Variants in PFKFB4 observed in about 807,000 individuals in gnomAD.
PFKFB4 encodes 6-phosphofructo-2-kinase/fructose-2,6-biphosphatase 4.
A neutral mutation model predicts 62.8 loss-of-function variants in PFKFB4; 42 were observed. The observed-to-expected ratio is 0.67, with a 90% CI of 0.52 to 0.86. The LOEUF (loss-of-function observed/expected upper bound fraction) is 0.86, where lower values mean the gene tolerates loss of function less well. PFKFB4 is among the 40% of genes least tolerant of loss of function. The probability of loss-of-function intolerance (pLI) is 0.00; values close to 1 mark genes in which losing one functional copy is unlikely to be tolerated. For missense variants in PFKFB4, 475 were observed against 627.2 expected (o/e 0.76, Z 2.59); for synonymous variants, 204 against 240.7 (o/e 0.85, Z 1.41).
intron 4 of PFKFB4, among the ~76,000 whole-genome samples, chr3:48,541,837 G>A (rs1473638272): frequency 1.3e-5 from 2 of 152,056 alleles, no homozygotes; most frequent in Non-Finnish European, 2.9e-5. Context: ...ATGGTGGCAC[G>A]TGCCTGTAGT....
chr3:48,534,737 T>C (rs749526750), intron 9 of PFKFB4, among the ~76,000 whole-genome samples: 18 of 149,074 alleles, frequency 1.2e-4, no homozygotes, highest in Non-Finnish European at 1.3e-4. Flanking sequence ...GGTAACATTA[T>C]ATCCAGAAGA....
rs1560163676 is a variant in PFKFB4, at chr3:48,536,347, CG to C, written c.748del (p.Arg250AlafsTer36). The C allele has an allele frequency of 1.9e-6, 3 of 1,614,150 alleles. No individual in the cohort carries two copies. The highest frequency in any genetic ancestry group is 2.5e-6 in the Non-Finnish European group (3 of 1,180,026). On this transcript the variant is annotated frameshift_variant, in exon 8 of 14. Coordinates refer to ENST00000232375, the MANE Select transcript of PFKFB4 (RefSeq NM_004567.4). LOFTEE classifies it high-confidence loss of function. Reference sequence around the variant, plus strand: ...CCCGTGCCGGCAGAGGTAGATGGAGCGGGGGGTCACGTGGATGTTCATGAGG... The same window carrying C: ...CCCGTGCCGGCAGAGGTAGATGGAGCGGGGGTCACGTGGATGTTCATGAGG... ...YYLMNIHVTP[R>X]SIYLCRHGES...
chr3:48,528,264 C>G (rs553442658), intron 9 of PFKFB4, among the ~76,000 whole-genome samples: 1 of 151,902 alleles, frequency 6.6e-6, no homozygotes, highest in African/African-American at 2.4e-5. Context: ...TGTGAGATGG[C>G]GAAACAGTGT....
chr3:48,528,697 T>C (rs1203754896), intron 9 of PFKFB4, among the ~76,000 whole-genome samples: 1 of 152,168 alleles, frequency 6.6e-6, no homozygotes. Flanking sequence ...TGGACATGAA[T>C]GTTCACAGCA....
intron 9 of PFKFB4, among the ~76,000 whole-genome samples, chr3:48,528,390 G>A (rs1008863314): frequency 3.3e-5 from 5 of 152,160 alleles, no homozygotes; most frequent in Non-Finnish European, 1.5e-5. Context: ...TGCCGGATGC[G>A]GTGGCTCATG....
At chr3:48,563,133 C>T (rs749685260), upstream of PFKFB4, 2 of 1,604,628 alleles carry the variant, frequency 1.2e-6, no homozygotes, top group Non-Finnish European at 1.7e-6. The surrounding 1 kb of genome is among the most constrained non-coding windows in gnomAD (Gnocchi z 4.5). Flanking sequence ...ATCGTGAGGT[C>T]AGGCTGCAAG....
intron 3 of PFKFB4, among the ~76,000 whole-genome samples, chr3:48,549,627 C>T (rs2043068758): frequency 6.6e-6 from 1 of 152,252 alleles, no homozygotes; most frequent in South Asian, 2.1e-4. Flanking sequence ...TCCTCTCATC[C>T]CCAAACCCAT....
intron 9 of PFKFB4, among the ~76,000 whole-genome samples, chr3:48,529,387 T>C (rs1255074397): frequency 6.6e-6 from 1 of 152,182 alleles, no homozygotes; most frequent in African/African-American, 2.4e-5. Context: ...AGATGATTAA[T>C]GGATCATAAA....
upstream of PFKFB4, chr3:48,557,014 G>A: frequency 4.5e-6 from 6 of 1,326,278 alleles, no homozygotes; most frequent in South Asian, 1.7e-5. Context: ...AGTGGGCCCA[G>A]TTCTTCAGGC....
At position 48,554,516 on chromosome 3, in the gene PFKFB4, G is replaced by A. The variant is rs116033198; in HGVS notation, c.97+2165C>T. ...ACACCCTGAGACACCGTGATGGCAC[G>A]AGCCCCTCAGCTCAGGCCAGAGCCA... On this transcript the variant is annotated intron_variant, in intron 1 of 13. Transcript: ENST00000232375. Among the ~76,000 whole-genome samples the A allele has an allele frequency of 3.5e-3, 535 of 152,256 alleles. 2 individuals carry two copies. Among genetic ancestry groups the A allele is most frequent in the African/African-American group, 0.012 (512 of 41,540 alleles).
In PFKFB4 at chr3:48,523,537, C is replaced by A; in HGVS notation, c.1285G>T (p.Gly429Cys). ...TVLKLTPVAY[G>C]CKVESIFLNV... Reference sequence around the variant, plus strand: ...GTCAATGTGCAGGAAGCTTCCTTACCATATGCCACAGGAGTCAGCTTCAGG... The same window carrying A: ...GTCAATGTGCAGGAAGCTTCCTTACAATATGCCACAGGAGTCAGCTTCAGG... The change falls in exon 12 of 14, where the codon GGT becomes TGT. Residue 429 changes from glycine to cysteine, a missense_variant and splice_region_variant. Gly to Cys is a radical substitution (Grantham distance 159). Coordinates refer to ENST00000232375, the MANE Select transcript of PFKFB4 (RefSeq NM_004567.4). 1.9e-6 allele frequency: 3 copies of A among 1,613,784 alleles called. No homozygotes were observed.
intron 1 of PFKFB4, among the ~76,000 whole-genome samples, chr3:48,553,114 G>A (rs546707305): frequency 2.6e-5 from 4 of 152,340 alleles, no homozygotes; most frequent in South Asian, 4.1e-4. Flanking sequence ...AGCGGGCTGG[G>A]TGCACGGCTG....
At chr3:48,536,742 T>C in intron 7 of PFKFB4, 1 of 442,422 alleles carries the variant, frequency 2.3e-6, no homozygotes, top group Non-Finnish European at 4.1e-6. Flanking sequence ...GGGTCCGCCA[T>C]ACCACATCAT....
At chr3:48,552,370 C>T (rs2043182505) in intron 1 of PFKFB4, among the ~76,000 whole-genome samples, 2 of 152,254 alleles carry the variant, frequency 1.3e-5, no homozygotes, top group African/African-American at 4.8e-5. Flanking sequence ...CCTTGCTTGC[C>T]AGTGGGGGCT....
intron 3 of PFKFB4, 32 bp downstream of exon 3, chr3:48,549,832 C>T (rs1189132191): frequency 7.3e-7 from 1 of 1,363,940 alleles, no homozygotes; most frequent in South Asian, 1.2e-5. Flanking sequence ...CCCCCAGCAA[C>T]CTCTCCCCCC....
rs148079120 is a variant in PFKFB4 at position 48,535,747 on chromosome 3, C to T, written c.841-89G>A. ...GCCGCAGGGTCCATGAGATCACCCTCGCCTTGAACACTCACTACAGGTTTG... is the reference window on the plus strand; with the variant it reads ...GCCGCAGGGTCCATGAGATCACCCTTGCCTTGAACACTCACTACAGGTTTG... On this transcript the variant is annotated intron_variant, in intron 8 of 13. Coordinates refer to ENST00000232375, the MANE Select transcript of PFKFB4 (RefSeq NM_004567.4). The T allele has an allele frequency of 5.5e-5, 80 of 1,461,504 alleles. 1 individual carries two copies. In the East Asian group the frequency reaches 1.0e-3, roughly 18 times the overall value. 90.5% of individuals were successfully genotyped at this position (1,461,504 alleles called of 1,614,324 possible).
At chr3:48,529,020 CTTATTTATTTAT>C (rs541772549) in intron 9 of PFKFB4, among the ~76,000 whole-genome samples, 1 of 151,562 alleles carries the variant, frequency 6.6e-6, no homozygotes, top group East Asian at 1.9e-4. Flanking sequence ...GAACTGTATA[CTTATTTATTTAT>C]TTATTTATTT....
chr3:48,554,731 C>T (rs1491001313), intron 1 of PFKFB4, among the ~76,000 whole-genome samples: 1 of 152,094 alleles, frequency 6.6e-6, no homozygotes, highest in African/African-American at 2.4e-5. Flanking sequence ...ACCCTGCCTC[C>T]GCTTATTGAG....
chr3:48,548,181 C>T (rs904854340), intron 3 of PFKFB4: 3 of 152,342 alleles, frequency 2.0e-5, no homozygotes, highest in Middle Eastern at 3.4e-3. Context: ...AGACTCTCCC[C>T]ACAAACACTA....
Sources: allele counts gnomAD v4.1 joint callset (sites outside exome capture counted in the v4.1 genomes callset), GRCh38; gene constraint gnomAD v4.1.1; non-coding constraint Gnocchi (gnomAD v3.1); transcripts MANE v1.5; gene names NCBI Gene and HGNC (gene_info 2026-07-23, HGNC 2026-07-21).